Variants in PLCB4 observed in about 807,000 individuals in gnomAD.
PLCB4 encodes the protein 1-phosphatidylinositol 4,5-bisphosphate phosphodiesterase beta-4.
PLCB4 carries 77 observed loss-of-function variants against 178.8 expected under a neutral mutation model. That is an observed-to-expected ratio of 0.43 (90% CI 0.36 to 0.52). The LOEUF (loss-of-function observed/expected upper bound fraction) is 0.52, where lower values mean the gene tolerates loss of function less well. PLCB4 is among the 20% of genes least tolerant of loss of function. The pLI is 0.00. For missense variants in PLCB4, 1,024 were observed against 1,453.4 expected (o/e 0.70, Z 4.80); for synonymous variants, 496 against 490.8 (o/e 1.01, Z -0.14).
At chr20:9,393,998 C>T (rs867262792) in intron 18 of PLCB4, among the ~76,000 whole-genome samples, 8 of 152,252 alleles carry the variant, frequency 5.3e-5, no homozygotes, top group African/African-American at 1.9e-4. Flanking sequence ...TAATTTTATA[C>T]ACTCTAAAGT....
chr20:9,082,465 A>C (rs2090201612), intron 1 of PLCB4, among the ~76,000 whole-genome samples: 1 of 152,160 alleles, frequency 6.6e-6, no homozygotes, highest in Non-Finnish European at 1.5e-5. Context: ...TTGGAGCATT[A>C]ATAGGACTTA....
chr20:9,420,339 T>G (rs1055543776), intron 26 of PLCB4, among the ~76,000 whole-genome samples: 3 of 152,278 alleles, frequency 2.0e-5, no homozygotes, highest in African/African-American at 4.8e-5. Flanking sequence ...ACATTTTTTT[T>G]TTGTTTTTTA....
intron 2 of PLCB4, among the ~76,000 whole-genome samples, chr20:9,187,226 C>T (rs1344144673): frequency 2.6e-5 from 4 of 152,040 alleles, no homozygotes; most frequent in South Asian, 2.1e-4. Context: ...CTGTCCGCCT[C>T]GGCCTCCCAA....
chr20:9,473,724 G>A (rs887763021), intron 38 of PLCB4, among the ~76,000 whole-genome samples: 1 of 152,162 alleles, frequency 6.6e-6, no homozygotes, highest in African/African-American at 2.4e-5. Context: ...GGGATATGAT[G>A]TTTAAAAGCA....
At chr20:9,184,163 C>T (rs2093292396) in intron 2 of PLCB4, among the ~76,000 whole-genome samples, 1 of 152,098 alleles carries the variant, frequency 6.6e-6, no homozygotes, top group African/African-American at 2.4e-5. Context: ...ACTTCAACCC[C>T]CACCACCTTC....
chr20:9,126,887 T>A (rs2092129473), intron 2 of PLCB4, among the ~76,000 whole-genome samples: 1 of 152,028 alleles, frequency 6.6e-6, no homozygotes, highest in South Asian at 2.1e-4. Flanking sequence ...GATAGATTTT[T>A]CTATTCCAGC....
intron 3 of PLCB4, among the ~76,000 whole-genome samples, chr20:9,222,036 GTTTTA>G (rs869180528): frequency 0.12 from 11,315 of 96,946 alleles, 695 homozygotes; most frequent in East Asian, 0.26. Context: ...ATTTTATTTT[GTTTTA>G]TTTTATTTTA....
intron 39 of PLCB4, among the ~76,000 whole-genome samples, chr20:9,477,103 A>G (rs1306679203): frequency 6.6e-6 from 1 of 152,322 alleles, no homozygotes; most frequent in Middle Eastern, 3.4e-3. Flanking sequence ...ACAAATGTTA[A>G]TATGACTCCA....
intron 1 of PLCB4, among the ~76,000 whole-genome samples, chr20:9,075,620 G>A (rs1232569138): frequency 6.6e-6 from 1 of 152,256 alleles, no homozygotes; most frequent in Non-Finnish European, 1.5e-5. Flanking sequence ...CTGACCAGGT[G>A]TCAGAGGCCT....
Position 9,154,513 on chromosome 20 carries a change from G to A in PLCB4, c.-79+58171G>A, listed in dbSNP as rs976006083. The stretch of plus-strand genomic sequence containing the variant: ...TGTGTTTCTCTAATAATGCTCAGTC[G>A]TCTGTGGCTGGTGTGCATAATGAAC... On this transcript the variant is annotated intron_variant, in intron 2 of 39. Transcript: ENST00000378473. Among the ~76,000 whole-genome samples the A allele has an allele frequency of 1.7e-4, 26 of 152,250 alleles. 2 individuals carry two copies. Among genetic ancestry groups the A allele is most frequent in the Admixed American group, 1.2e-3 (19 of 15,296 alleles).
chr20:9,133,765 C>A (rs1308771494), intron 2 of PLCB4, among the ~76,000 whole-genome samples: 1 of 152,148 alleles, frequency 6.6e-6, no homozygotes, highest in Non-Finnish European at 1.5e-5. Context: ...GTGAATCATT[C>A]CCATGGAGGC....
chr20:9,386,191 T>C (rs2037643952), intron 14 of PLCB4, among the ~76,000 whole-genome samples: 1 of 145,468 alleles, frequency 6.9e-6, no homozygotes, highest in Non-Finnish European at 1.5e-5. Flanking sequence ...GCAGGGAGGC[T>C]GCAGCGAGCC....
At chr20:9,223,372 G>A (rs2093823242) in intron 3 of PLCB4, among the ~76,000 whole-genome samples, 1 of 152,186 alleles carries the variant, frequency 6.6e-6, no homozygotes, top group Non-Finnish European at 1.5e-5. Context: ...TGTGTAAGAA[G>A]TCACTTGAAG....
intron 28 of PLCB4, 144 bp from the exon 29 acceptor site, chr20:9,435,416 C>T: frequency 2.0e-6 from 1 of 493,896 alleles, no homozygotes; most frequent in Non-Finnish European, 3.6e-6. Context: ...CTGTGCCTTC[C>T]TCAGTGTGTC....
At chr20:9,475,635 T>C (rs2044492472) in intron 38 of PLCB4, among the ~76,000 whole-genome samples, 1 of 152,226 alleles carries the variant, frequency 6.6e-6, no homozygotes, top group Non-Finnish European at 1.5e-5. Flanking sequence ...GCAAAGAATT[T>C]GGACTTGAGT....
chr20:9,115,433 C>CTTT (rs869027659), intron 2 of PLCB4, among the ~76,000 whole-genome samples: 1 of 134,902 alleles, frequency 7.4e-6, no homozygotes, highest in African/African-American at 2.8e-5. Flanking sequence ...ACTTCTTCTT[C>CTTT]TTTTTTTTTA....
At chr20:9,430,195 TG>T (rs1275022679) in intron 28 of PLCB4, among the ~76,000 whole-genome samples, 5 of 152,250 alleles carry the variant, frequency 3.3e-5, no homozygotes, top group Non-Finnish European at 7.3e-5. Flanking sequence ...ATGTGGCCTG[TG>T]GGCCATGGGT....
At chr20:9,071,915 ACTGT>A (rs1469134484) in intron 1 of PLCB4, among the ~76,000 whole-genome samples, 1 of 152,216 alleles carries the variant, frequency 6.6e-6, no homozygotes, top group Non-Finnish European at 1.5e-5. Flanking sequence ...CTTTTAATAA[ACTGT>A]CTATCTACCA....
intron 18 of PLCB4, 48 bp downstream of exon 18, chr20:9,393,726 GGA>G: frequency 2.5e-6 from 3 of 1,183,012 alleles, no homozygotes; most frequent in Non-Finnish European, 3.8e-6. Context: ...TAACATGTGT[GGA>G]CATTTCAGCT....
Sources: gnomAD v4.1 joint callset for allele counts (sites outside exome capture counted in the v4.1 genomes callset) on GRCh38, gnomAD v4.1.1 for gene constraint, MANE v1.5 for transcripts, NCBI Gene and HGNC (gene_info 2026-07-23, HGNC 2026-07-21) for gene names.